The following CSMD1 variants were observed in gnomAD, a reference collection of about 807,000 sequenced individuals.
CSMD1 encodes CUB and Sushi multiple domains 1.
A neutral mutation model predicts 417.5 loss-of-function variants in CSMD1; 213 were observed. The observed-to-expected ratio is 0.51, with a 90% CI of 0.46 to 0.57. The LOEUF (loss-of-function observed/expected upper bound fraction) is 0.57. CSMD1 is among the 20% of genes least tolerant of loss of function. The pLI is 0.00. For synonymous variants in CSMD1, 2,862 were observed against 1,736.8 expected (o/e 1.65, Z -16.11); for missense variants, 6,923 against 4,529.7 (o/e 1.53, Z -15.17).
intron 3 of CSMD1, among the ~76,000 whole-genome samples, chr8:4,369,718 TG>T (rs1802292206): frequency 6.6e-6 from 1 of 152,198 alleles, no homozygotes; most frequent in Non-Finnish European, 1.5e-5. Context: ...TTATTGTTGT[TG>T]GTTTAAAGAT....
chr8:4,690,009 T>C (rs1213158985), intron 1 of CSMD1, among the ~76,000 whole-genome samples: 2 of 152,148 alleles, frequency 1.3e-5, no homozygotes, highest in Non-Finnish European at 2.9e-5. Flanking sequence ...TAAAAATAAA[T>C]AAATAAAGCA....
intron 17 of CSMD1, among the ~76,000 whole-genome samples, chr8:3,392,918 C>T (rs1273038496): frequency 2.6e-5 from 4 of 151,990 alleles, no homozygotes; most frequent in Admixed American, 1.3e-4. Flanking sequence ...ATTTTAAACC[C>T]CGCAGGTAAC....
intron 10 of CSMD1, among the ~76,000 whole-genome samples, chr8:3,553,754 A>T (rs778350019): frequency 3.3e-5 from 5 of 152,234 alleles, no homozygotes; most frequent in Non-Finnish European, 7.3e-5. Flanking sequence ...TAAATTAATA[A>T]ATCTAGAGAG....
intron 5 of CSMD1, among the ~76,000 whole-genome samples, chr8:3,859,077 C>T (rs1222324215): frequency 6.6e-6 from 1 of 151,986 alleles, no homozygotes; most frequent in African/African-American, 2.4e-5. Context: ...ATGTGATATT[C>T]ATCTTCTCAT....
chr8:4,918,606 G>C (rs1039670059), intron 1 of CSMD1, among the ~76,000 whole-genome samples: 3 of 152,168 alleles, frequency 2.0e-5, no homozygotes, highest in African/African-American at 7.2e-5. Context: ...AAGCTGAAAA[G>C]TGATAGCTGA....
intron 2 of CSMD1, among the ~76,000 whole-genome samples, chr8:4,601,903 A>G (rs1800608515): frequency 6.6e-6 from 1 of 152,198 alleles, no homozygotes; most frequent in Admixed American, 6.5e-5. Flanking sequence ...CCGTCTACAT[A>G]GAGTGTGAAC....
rs558290527 is a variant in CSMD1, at chr8:4,017,674, C to T, written c.610+14231G>A. On this transcript the variant is annotated intron_variant, in intron 4 of 69. Transcript: ENST00000635120. ...AGTTCTAATTAAGAATTTTTTTTTTCAAATTCGACTTCAAAAACTGCATGG... is the reference window on the plus strand; with the variant it reads ...AGTTCTAATTAAGAATTTTTTTTTTTAAATTCGACTTCAAAAACTGCATGG... Among the ~76,000 whole-genome samples the T allele has an allele frequency of 2.6e-5, 4 of 151,072 alleles. No homozygotes were observed. In the South Asian group the frequency reaches 8.3e-4, roughly 31 times the overall value.
intron 5 of CSMD1, among the ~76,000 whole-genome samples, chr8:3,860,819 T>C (rs1291457825): frequency 4.6e-5 from 7 of 152,182 alleles, no homozygotes; most frequent in Non-Finnish European, 1.0e-4. Context: ...AGTTTTCTGG[T>C]GAACAAACGT....
intron 10 of CSMD1, among the ~76,000 whole-genome samples, chr8:3,512,733 C>T (rs1229960364): frequency 6.6e-6 from 1 of 151,564 alleles, no homozygotes; most frequent in African/African-American, 2.4e-5. Context: ...CTCAGCTTCC[C>T]AAGTAGCTGG....
At chr8:4,069,540 C>T (rs748580990) in intron 3 of CSMD1, among the ~76,000 whole-genome samples, 1 of 152,172 alleles carries the variant, frequency 6.6e-6, no homozygotes, top group Non-Finnish European at 1.5e-5. Flanking sequence ...TCTTACCACC[C>T]TCCCTCTCCG....
chr8:4,914,663 G>A (rs377379996), intron 1 of CSMD1, among the ~76,000 whole-genome samples: 3 of 151,790 alleles, frequency 2.0e-5, no homozygotes, highest in Non-Finnish European at 4.4e-5. Flanking sequence ...CAGATCCTCT[G>A]TTTGGACACT....
intron 21 of CSMD1, among the ~76,000 whole-genome samples, chr8:3,350,637 G>A (rs1001633019): frequency 2.6e-5 from 4 of 152,080 alleles, no homozygotes; most frequent in Non-Finnish European, 5.9e-5. Flanking sequence ...TCTTCTTAAG[G>A]ACTTTTATTC....
intron 55 of CSMD1, among the ~76,000 whole-genome samples, chr8:2,978,079 T>C (rs767056260): frequency 2.0e-5 from 3 of 152,186 alleles, no homozygotes; most frequent in African/African-American, 4.8e-5. Flanking sequence ...ACTGGGTATA[T>C]ACTCAAAGGA....
At chr8:4,378,004 G>T (rs1369910649) in intron 3 of CSMD1, among the ~76,000 whole-genome samples, 1 of 152,100 alleles carries the variant, frequency 6.6e-6, no homozygotes, top group African/African-American at 2.4e-5. Flanking sequence ...AAATATATTT[G>T]TAATTCCTTT....
At chr8:3,071,619 A>G (rs1011605563) in intron 49 of CSMD1, among the ~76,000 whole-genome samples, 10 of 152,218 alleles carry the variant, frequency 6.6e-5, no homozygotes, top group African/African-American at 2.2e-4. Context: ...TATTTCTCAC[A>G]TGATTTTCAA....
chr8:4,473,336 A>C (rs184267228), intron 2 of CSMD1, among the ~76,000 whole-genome samples: 1 of 152,332 alleles, frequency 6.6e-6, no homozygotes, highest in East Asian at 1.9e-4. Flanking sequence ...ATCAGCAGAG[A>C]CAACCTGATG....
intron 2 of CSMD1, among the ~76,000 whole-genome samples, chr8:4,437,180 A>G (rs1427522920): frequency 6.6e-6 from 1 of 152,326 alleles, no homozygotes; most frequent in African/African-American, 2.4e-5. Flanking sequence ...ACAAAGCAAA[A>G]CTTTGTTGTC....
At chr8:3,982,618 A>G (rs564592037) in intron 5 of CSMD1, among the ~76,000 whole-genome samples, 18 of 33,352 alleles carry the variant, frequency 5.4e-4, no homozygotes, top group East Asian at 2.3e-3. Context: ...GCTGAGAGAG[A>G]AAAAAAAAAA....
chr8:4,479,373 A>G (rs1800968000), intron 2 of CSMD1, among the ~76,000 whole-genome samples: 1 of 152,166 alleles, frequency 6.6e-6, no homozygotes, highest in African/African-American at 2.4e-5. Flanking sequence ...CGGTTACAAA[A>G]TTGATTATAG....
Sources: allele counts gnomAD v4.1 joint callset (sites outside exome capture counted in the v4.1 genomes callset), GRCh38; gene constraint gnomAD v4.1.1; transcripts MANE v1.5; gene names NCBI Gene and HGNC (gene_info 2026-07-23, HGNC 2026-07-21).